LDB2: variants seen among roughly 807,000 people sequenced by gnomAD.
The protein encoded by LDB2 is LIM domain-binding protein 2.
LDB2 carries 12 observed loss-of-function variants against 44.3 expected under a neutral mutation model. The observed-to-expected ratio is 0.27, with a 90% CI of 0.17 to 0.44. LDB2 has a LOEUF of 0.44. Ranked by LOEUF, LDB2 falls within the 20% of genes least tolerant of loss-of-function variation. The probability of loss-of-function intolerance (pLI) is 1.00; values close to 1 mark genes in which losing one functional copy is unlikely to be tolerated. For synonymous variants in LDB2, 164 were observed against 174.8 expected (o/e 0.94, Z 0.49); for missense variants, 344 against 473.5 (o/e 0.73, Z 2.54).
chr4:16,845,282 T>C (rs1786743876), intron 1 of LDB2, among the ~76,000 whole-genome samples: 1 of 152,192 alleles, frequency 6.6e-6, no homozygotes, highest in African/African-American at 2.4e-5. Context: ...TTTTGGTAAC[T>C]GCAATCACAA....
intron 2 of LDB2, among the ~76,000 whole-genome samples, chr4:16,646,762 A>G (rs1736900062): frequency 6.6e-6 from 1 of 152,204 alleles, no homozygotes; most frequent in Admixed American, 6.5e-5. Context: ...GGGACCATCA[A>G]ACAGCAAAAA....
At chr4:16,897,937 T>TATATATAC (rs1201085796) in intron 1 of LDB2, among the ~76,000 whole-genome samples, 3 of 19,022 alleles carry the variant, frequency 1.6e-4, no homozygotes, top group South Asian at 1.2e-3. Context: ...TATATATATA[T>TATATATAC]ACACATATGT....
rs540678030 is a variant in LDB2 at position 16,663,394 on chromosome 4, G to C, written c.236-67519C>G. Among the ~76,000 whole-genome samples the C allele has an allele frequency of 2.6e-5, 4 of 152,286 alleles. No homozygotes were observed. In the East Asian group the frequency reaches 7.7e-4, roughly 29 times the overall value. ...TGGGACGTAACTGAGTACAGAGTTG[G>C]GAAGAGAGGCTCATAATTGGCAGTC... On this transcript the variant is annotated intron_variant, in intron 2 of 7. Transcript: ENST00000304523.
rs1784542262 is a variant in LDB2, at chr4:16,834,348, A to C, written c.132+64006T>G. Among the ~76,000 whole-genome samples, 3 of 152,246 alleles carry C rather than the reference A, an allele frequency of 2.0e-5. No individual in the cohort carries two copies. In the South Asian group the frequency reaches 6.2e-4, roughly 32 times the overall value. On this transcript the variant is annotated intron_variant, in intron 1 of 7. Transcript: ENST00000304523. ...CCAAACTTTCACAATCAGTATTTCC[A>C]GATTCTCTTGAAAAATCAGATCTGA...
At chr4:16,507,528 A>C (rs921978286) in intron 7 of LDB2, among the ~76,000 whole-genome samples, 2 of 152,198 alleles carry the variant, frequency 1.3e-5, no homozygotes, top group African/African-American at 4.8e-5. Context: ...GAGAGCAAGA[A>C]GGGTGAGGGG....
chr4:16,801,814 C>G (rs536947537), intron 1 of LDB2, among the ~76,000 whole-genome samples: 1 of 152,202 alleles, frequency 6.6e-6, no homozygotes, highest in South Asian at 2.1e-4. Flanking sequence ...CCACCCATAC[C>G]TGGAGAAAAG....
intron 1 of LDB2, among the ~76,000 whole-genome samples, chr4:16,792,075 T>C (rs1375488415): frequency 1.3e-5 from 2 of 152,222 alleles, no homozygotes; most frequent in African/African-American, 2.4e-5. Flanking sequence ...ATACTTCCAA[T>C]ACCCTAACAT....
chr4:16,654,559 G>A (rs1438453347), intron 2 of LDB2, among the ~76,000 whole-genome samples: 1 of 152,206 alleles, frequency 6.6e-6, no homozygotes, highest in Non-Finnish European at 1.5e-5. Flanking sequence ...TAGAAAATGT[G>A]TTGTGGGACT....
rs1301762584 is a variant in LDB2 at position 16,859,325 on chromosome 4, C to T, written c.132+39029G>A. ...TAAGTAGTGAATATACAGAGCTAGG[C>T]CCCCATCACCATCAAGGCTGGTGGT... On this transcript the variant is annotated intron_variant, in intron 1 of 7. Transcript: ENST00000304523. Among the ~76,000 whole-genome samples the T allele has an allele frequency of 3.3e-5, 5 of 152,174 alleles. No homozygotes were observed. In the East Asian group the frequency reaches 9.6e-4, roughly 29 times the overall value.
chr4:16,652,796 T>C (rs1738681718), intron 2 of LDB2, among the ~76,000 whole-genome samples: 1 of 152,182 alleles, frequency 6.6e-6, no homozygotes, highest in Non-Finnish European at 1.5e-5. Context: ...TATTCAGTCA[T>C]TCACGCAGCT....
At chr4:16,691,804 C>T (rs530879332) in intron 2 of LDB2, among the ~76,000 whole-genome samples, 4 of 152,300 alleles carry the variant, frequency 2.6e-5, no homozygotes, top group African/African-American at 9.6e-5. Context: ...TGATGACCAT[C>T]ATCAAAAGGA....
chr4:16,531,098 C>T (rs1249104807), intron 5 of LDB2, among the ~76,000 whole-genome samples: 1 of 152,194 alleles, frequency 6.6e-6, no homozygotes, highest in East Asian at 1.9e-4. Flanking sequence ...TTGACCCATA[C>T]CCAGGAAGGT....
chr4:16,605,941 T>C lies in LDB2; in HGVS notation c.236-10066A>G, dbSNP rs148410016. On this transcript the variant is annotated intron_variant, in intron 2 of 7. Coordinates refer to ENST00000304523, the MANE Select transcript of LDB2 (RefSeq NM_001290.5). ...GAGCAAAAAATACCTTTCTATGGTG[T>C]TAAGACATTGGAATATCAAACTTTA... Among the ~76,000 whole-genome samples, 885 of 152,320 alleles carry C rather than the reference T, an allele frequency of 5.8e-3. 11 individuals carry two copies. The highest frequency in any genetic ancestry group is 0.02 in the African/African-American group (813 of 41,570).
intron 5 of LDB2, chr4:16,581,464 G>A (rs1359596134): frequency 2.0e-6 from 2 of 984,760 alleles, no homozygotes; most frequent in Non-Finnish European, 2.4e-6. Context: ...ACTCAGCCAG[G>A]GTGTATTGTT....
At chr4:16,742,084 T>C (rs1401435467) in intron 2 of LDB2, among the ~76,000 whole-genome samples, 1 of 148,510 alleles carries the variant, frequency 6.7e-6, no homozygotes, top group African/African-American at 2.5e-5. Context: ...CTTTTTTTTT[T>C]TTTTTTTTGA....
chr4:16,898,548 G>A lies in LDB2; in HGVS notation c.-63C>T. 1.3e-6 allele frequency: 2 copies of A among 1,569,476 alleles called. No homozygotes were observed. The highest frequency in any genetic ancestry group is 1.7e-6 in the Non-Finnish European group (2 of 1,146,230). On this transcript the variant is annotated 5_prime_UTR_variant, in exon 1 of 8. Transcript: ENST00000304523. ...CAGTAACGTCCATGCAGAGCACATG[G>A]GCTGTGTTCTTCCCAGTACAAAGTA... is the stretch of plus-strand genomic sequence containing the variant.
chr4:16,558,073 C>A (rs917198289), intron 5 of LDB2, among the ~76,000 whole-genome samples: 11 of 152,094 alleles, frequency 7.2e-5, no homozygotes, highest in Non-Finnish European at 1.5e-4. Context: ...TGTACATCAC[C>A]ATCATCAAAG....
At chr4:16,614,992 C>G (rs1171358645) in intron 2 of LDB2, among the ~76,000 whole-genome samples, 2 of 147,426 alleles carry the variant, frequency 1.4e-5, no homozygotes, top group African/African-American at 2.5e-5. Context: ...ATGGCGTGAA[C>G]CCGGGAGGTG....
At chr4:16,560,960 C>T (rs545658811) in intron 5 of LDB2, among the ~76,000 whole-genome samples, 18 of 152,228 alleles carry the variant, frequency 1.2e-4, no homozygotes. Flanking sequence ...GAACCAAAGA[C>T]AAAAACCACA....
Sources: gnomAD v4.1 joint callset for allele counts (sites outside exome capture counted in the v4.1 genomes callset) on GRCh38, gnomAD v4.1.1 for gene constraint, MANE v1.5 for transcripts, NCBI Gene and HGNC (gene_info 2026-07-23, HGNC 2026-07-21) for gene names.